Variants in TIAM2 observed in about 807,000 individuals in gnomAD.
TIAM2 encodes the protein rho guanine nucleotide exchange factor TIAM2.
Under a neutral mutation model 152.9 loss-of-function variants are expected in TIAM2, and 80 were observed. That is an observed-to-expected ratio of 0.52 (90% CI 0.44 to 0.63). The LOEUF (loss-of-function observed/expected upper bound fraction) is 0.63. Ranked by LOEUF, TIAM2 falls within the 30% of genes least tolerant of loss-of-function variation. The probability of loss-of-function intolerance (pLI) is 0.00; values close to 1 mark genes in which losing one functional copy is unlikely to be tolerated. For missense variants in TIAM2, 1,965 were observed against 2,120.1 expected (o/e 0.93, Z 1.44); for synonymous variants, 804 against 838.0 (o/e 0.96, Z 0.70).
intron 16 of TIAM2, among the ~76,000 whole-genome samples, chr6:155,242,912 T>C (rs1405978634): frequency 1.6e-5 from 2 of 125,316 alleles, no homozygotes; most frequent in African/African-American, 5.5e-5. Context: ...TTTTTTTTTT[T>C]TCTTTTTTTT....
chr6:155,058,047 A>G (rs1348309463), intron 1 of TIAM2, among the ~76,000 whole-genome samples: 3 of 151,978 alleles, frequency 2.0e-5, no homozygotes, highest in African/African-American at 7.3e-5. Context: ...TGACCATTGG[A>G]GCTCTTTCAG....
intron 7 of TIAM2, among the ~76,000 whole-genome samples, chr6:155,155,427 A>G (rs1437242427): frequency 6.6e-6 from 1 of 152,028 alleles, no homozygotes; most frequent in Non-Finnish European, 1.5e-5. Flanking sequence ...CAGCCTCCCA[A>G]AGTGCTGGGA....
Position 155,129,949 on chromosome 6 carries a change from C to G in TIAM2, c.726C>G (p.Ser242=). 1 of 1,614,084 alleles carries G rather than the reference C, an allele frequency of 6.2e-7. No individual in the cohort carries two copies. Residue 242 remains serine, a synonymous_variant, in exon 4 of 27, where the codon TCC becomes TCG. Coordinates refer to ENST00000682666, the MANE Select transcript of TIAM2 (RefSeq NM_012454.4). The surrounding 1 kb of genome is among the most constrained non-coding windows in gnomAD (Gnocchi z 4.8). ...GCCTGCGGTCCAGCAAAGGCAGCTCCCTGAGTTCTGAGTCATCCTGGTACG... is the reference window on the plus strand; with the variant it reads ...GCCTGCGGTCCAGCAAAGGCAGCTCGCTGAGTTCTGAGTCATCCTGGTACG... ...DSRLRSSKGS[S]LSSESSWYDS...
In TIAM2 at chr6:155,240,545, A is replaced by G; in HGVS notation, c.3184A>G (p.Thr1062Ala). 6.2e-7 allele frequency: 1 copy of G among 1,613,692 alleles called. No homozygotes were observed. Among genetic ancestry groups the G allele is most frequent in the African/African-American group, 1.3e-5 (1 of 75,058 alleles). The change falls in exon 16 of 27, where the codon ACT becomes GCT. Residue 1062 changes from threonine (T) to alanine (A), a missense_variant. Thr to Ala is a moderately conservative substitution (Grantham distance 58). Transcript: ENST00000682666. ...EQTFRSAEQITALCRSFNDSQ... is the reference protein window; with the variant it reads ...EQTFRSAEQIAALCRSFNDSQ... ...CCTCTCTCAGAGTGCTGAGCAGATC[A>G]CTGCACTGTGCAGGAGTTTTAACGA... is the stretch of plus-strand genomic sequence containing the variant.
intron 7 of TIAM2, among the ~76,000 whole-genome samples, chr6:155,153,689 T>G (rs1226442108): frequency 6.8e-6 from 1 of 146,254 alleles, no homozygotes; most frequent in Non-Finnish European, 1.5e-5. Flanking sequence ...TGGCGCAATC[T>G]CAGCTCACTG....
chr6:155,018,065 G>A (rs1454394430), intron 1 of TIAM2, among the ~76,000 whole-genome samples: 1 of 151,980 alleles, frequency 6.6e-6, no homozygotes, highest in Non-Finnish European at 1.5e-5. Context: ...TGATATTTTG[G>A]ATGTATTGGA....
At chr6:155,006,097 T>C (rs1046374238) in intron 1 of TIAM2, among the ~76,000 whole-genome samples, 1 of 152,140 alleles carries the variant, frequency 6.6e-6, no homozygotes, top group Non-Finnish European at 1.5e-5. Flanking sequence ...GCAGGGAGGC[T>C]CCCACGTGTA....
Position 155,249,972 on chromosome 6 carries a change from C to A in TIAM2, c.3951+3C>A, listed in dbSNP as rs758051448. 14 of 1,609,598 alleles carry A rather than the reference C, an allele frequency of 8.7e-6. No individual in the cohort carries two copies. The Middle Eastern group carries it at 9.9e-4, about 114-fold the overall frequency. ...AGCAGAGCGGAACAGAGAAGGAGGT[C>A]CGTGAGACATCTGCACCCTGGGAGC... On this transcript the variant is annotated splice_donor_region_variant and intron_variant, in intron 21 of 26. Transcript: ENST00000682666.
chr6:155,028,734 CTG>C (rs1473236260), intron 1 of TIAM2, among the ~76,000 whole-genome samples: 6 of 129,452 alleles, frequency 4.6e-5, no homozygotes, highest in Admixed American at 8.4e-5. Flanking sequence ...AATATATATA[CTG>C]TGTTATATAC....
At chr6:155,152,067 C>CTCTG (rs936330676) in intron 7 of TIAM2, among the ~76,000 whole-genome samples, 4 of 152,000 alleles carry the variant, frequency 2.6e-5, no homozygotes, top group African/African-American at 9.7e-5. Flanking sequence ...TGGTCTCGAA[C>CTCTG]TCTGACCTTA....
At chr6:155,234,751 G>T (rs1234483388) in intron 15 of TIAM2, among the ~76,000 whole-genome samples, 1 of 152,202 alleles carries the variant, frequency 6.6e-6, no homozygotes, top group Non-Finnish European at 1.5e-5. Context: ...GGTGGAATAG[G>T]CTCAATAGAT....
At chr6:155,188,974 T>C (rs1352223724) in intron 14 of TIAM2, among the ~76,000 whole-genome samples, 1 of 151,616 alleles carries the variant, frequency 6.6e-6, no homozygotes, top group Non-Finnish European at 1.5e-5. Context: ...GGTTCTTTTT[T>C]TAGCCTCCAC....
chr6:155,069,100 T>A (rs1390401019), intron 1 of TIAM2, among the ~76,000 whole-genome samples: 2 of 152,056 alleles, frequency 1.3e-5, no homozygotes, highest in Non-Finnish European at 2.9e-5. Context: ...TTTTTTATTT[T>A]ATTTATTTAT....
At chr6:155,123,123 C>A (rs1029135789) in intron 2 of TIAM2, among the ~76,000 whole-genome samples, 2 of 151,976 alleles carry the variant, frequency 1.3e-5, no homozygotes, top group African/African-American at 4.8e-5. Context: ...CAGGGAGTAT[C>A]CTTCCTGTCA....
At chr6:155,216,835 T>C (rs1312431044) in intron 15 of TIAM2, 7 of 1,083,736 alleles carry the variant, frequency 6.5e-6, no homozygotes, top group Non-Finnish European at 8.1e-6. Context: ...GCAGGCAGGC[T>C]CCCGGCATGG....
At chr6:155,208,055 T>C (rs1482101809) in intron 14 of TIAM2, among the ~76,000 whole-genome samples, 1 of 152,156 alleles carries the variant, frequency 6.6e-6, no homozygotes, top group Non-Finnish European at 1.5e-5. Context: ...GGACTCAAGG[T>C]CTTGTTCATC....
intron 5 of TIAM2, among the ~76,000 whole-genome samples, chr6:155,141,570 T>C (rs1779707547): frequency 6.6e-6 from 1 of 152,154 alleles, no homozygotes; most frequent in African/African-American, 2.4e-5. Context: ...TTTCAAGGCT[T>C]TGGAGGATGT....
At chr6:155,012,185 T>A (rs975802374) in intron 1 of TIAM2, among the ~76,000 whole-genome samples, 1 of 152,200 alleles carries the variant, frequency 6.6e-6, no homozygotes, top group Non-Finnish European at 1.5e-5. Context: ...TTACAAACAG[T>A]TTATGTTCAA....
intron 12 of TIAM2, among the ~76,000 whole-genome samples, chr6:155,180,642 A>T (rs570642105): frequency 2.6e-5 from 4 of 152,014 alleles, no homozygotes; most frequent in African/African-American, 9.6e-5. Flanking sequence ...TTGCTCTGTC[A>T]CCCAGGCTGG....
Sources: allele counts gnomAD v4.1 joint callset (sites outside exome capture counted in the v4.1 genomes callset), GRCh38; gene constraint gnomAD v4.1.1; non-coding constraint Gnocchi (gnomAD v3.1); transcripts MANE v1.5; gene names NCBI Gene and HGNC (gene_info 2026-07-23, HGNC 2026-07-21).